Variants in TREM2 observed in about 807,000 individuals in gnomAD.
The protein encoded by TREM2 is triggering receptor expressed on monocytes 2.
TREM2 carries 20 observed loss-of-function variants against 22.9 expected under a neutral mutation model. That is an observed-to-expected ratio of 0.87 (90% CI 0.61 to 1.27). The LOEUF (loss-of-function observed/expected upper bound fraction) is 1.27. Among genes scored for constraint, TREM2 ranks in the 50% most tolerant of loss-of-function variants. The pLI, the probability that TREM2 is intolerant of heterozygous loss-of-function variation, is 0.00. For missense variants in TREM2, 267 were observed against 289.0 expected (o/e 0.92, Z 0.55); for synonymous variants, 111 against 120.9 (o/e 0.92, Z 0.54).
At chr6:41,162,616 C>T (rs978110351) in intron 1 of TREM2, among the ~76,000 whole-genome samples, 10 of 152,118 alleles carry the variant, frequency 6.6e-5, no homozygotes, top group African/African-American at 2.4e-4. Flanking sequence ...GGAGAGAGTG[C>T]CCCAAAGATG....
intron 2 of TREM2, 116 bp from the exon 3 acceptor site, chr6:41,159,998 G>A (rs1765519936): frequency 2.6e-5 from 20 of 774,234 alleles, no homozygotes; most frequent in Non-Finnish European, 4.4e-5. Flanking sequence ...GTCCTATGTG[G>A]ATCAGGTCAT....
At chr6:41,162,498 A>G (rs2113881552) in intron 1 of TREM2, among the ~76,000 whole-genome samples, 2 of 152,224 alleles carry the variant, frequency 1.3e-5, no homozygotes, top group South Asian at 4.2e-4. Context: ...GGAAGAAGCA[A>G]TTGTGTACAA....
chr6:41,160,521 G>A (rs575878788), intron 2 of TREM2, among the ~76,000 whole-genome samples: 3 of 152,126 alleles, frequency 2.0e-5, no homozygotes, highest in South Asian at 2.1e-4. Flanking sequence ...GACTCAAGCA[G>A]AAGGCCTTCC....
At chr6:41,159,923 T>A in intron 2 of TREM2, 41 bp from the exon 3 acceptor site, 1 of 1,559,086 alleles carries the variant, frequency 6.4e-7, no homozygotes, top group Non-Finnish European at 8.8e-7. Flanking sequence ...CCCTTCCTCC[T>A]CGAGGCAGGG....
intron 1 of TREM2, among the ~76,000 whole-genome samples, 188 bp from the exon 2 acceptor site, chr6:41,161,801 GTT>G (rs758058447): frequency 5.3e-5 from 8 of 152,238 alleles, no homozygotes; most frequent in Non-Finnish European, 1.2e-4. Context: ...CCTGGGTTTG[GTT>G]TTCTCACTGT....
In TREM2 at chr6:41,158,903, C is replaced by A. The variant is rs373137055; in HGVS notation, c.646G>T (p.Asp216Tyr). 1.5e-5 allele frequency: 24 copies of A among 1,614,106 alleles called. 1 individual carries two copies. The African/African-American group carries it at 3.1e-4, about 21-fold the overall frequency. Residue 216 changes from aspartate (D) to tyrosine (Y), a missense_variant, in exon 4 of 5, where the codon GAC (aspartate) becomes TAC (tyrosine). Transcript: ENST00000373113. The stretch of plus-strand genomic sequence containing the variant: ...AGAGTTTGGAGCTGATACCCTGGGT[C>A]ATGGCCACAGTCCAGTTCACTGGGT... Reference protein sequence around the residue: ...HPPSELDCGHDPGYQLQTLPG... With the variant: ...HPPSELDCGHYPGYQLQTLPG...
chr6:41,159,683 G>C (rs749171917), intron 3 of TREM2, 109 bp downstream of exon 3: 7 of 933,686 alleles, frequency 7.5e-6, no homozygotes, highest in African/African-American at 1.6e-5. Context: ...GGCCCTTCAG[G>C]CTCTAGTTGC....
In TREM2 at chr6:41,163,059, G is replaced by A. The variant is rs779528069; in HGVS notation, c.24C>T (p.Ile8=). Residue 8 remains isoleucine, a synonymous_variant, in exon 1 of 5, where the codon ATC becomes ATT. Coordinates refer to ENST00000373113, the MANE Select transcript of TREM2 (RefSeq NM_018965.4). MEPLRLL[I]LLFVTELSGA... is the part of the protein sequence containing the mutation. ...GGATCCTACCTGTGACAAAGAGTAA[G>A]ATGAGCAGCCGGAGAGGCTCCATGC... 1 of 1,614,212 alleles carries A rather than the reference G, an allele frequency of 6.2e-7. No individual in the cohort carries two copies. Among genetic ancestry groups the A allele is most frequent in the African/African-American group, 1.3e-5 (1 of 75,050 alleles).
intron 2 of TREM2, among the ~76,000 whole-genome samples, chr6:41,160,151 C>A (rs956256778): frequency 1.3e-5 from 2 of 152,312 alleles, no homozygotes; most frequent in African/African-American, 2.4e-5. Flanking sequence ...GCAATGCCCC[C>A]CTCCTTCCGC....
At chr6:41,162,989 C>T in intron 1 of TREM2, 54 bp downstream of exon 1, 1 of 1,613,844 alleles carries the variant, frequency 6.2e-7, no homozygotes. Context: ...GCGCCCCAAC[C>T]ACATGCTCAA....
chr6:41,159,210 C>A (rs1765496702), intron 3 of TREM2, 144 bp from the exon 4 acceptor site: 2 of 960,764 alleles, frequency 2.1e-6, no homozygotes, highest in African/African-American at 1.6e-5. Context: ...CTTTTTGGAG[C>A]TTTGGGAGCC....
At chr6:41,159,322 A>G (rs927703071) in intron 3 of TREM2, among the ~76,000 whole-genome samples, 1 of 152,168 alleles carries the variant, frequency 6.6e-6, no homozygotes, top group African/African-American at 2.4e-5. Context: ...TTCTGTATAC[A>G]GTGCTATGCC....
intron 1 of TREM2, among the ~76,000 whole-genome samples, chr6:41,162,079 C>T (rs1449478929): frequency 1.3e-5 from 2 of 152,210 alleles, no homozygotes; most frequent in East Asian, 3.9e-4. Context: ...TCAGGAAGGA[C>T]CCGTCTCGGA....
In TREM2 at chr6:41,158,618, T is replaced by G; in HGVS notation, c.*146A>C. The G allele has an allele frequency of 1.3e-6, 2 of 1,576,918 alleles. No individual in the cohort carries two copies. Among genetic ancestry groups the G allele is most frequent in the South Asian group, 2.3e-5 (2 of 86,920 alleles). ...CCCCACTCCCTCAACCAGTCCCTGC[T>G]TCCAGGGTCCAGGAGAAGCAGTGTT... On this transcript the variant is annotated 3_prime_UTR_variant, in exon 5 of 5. Transcript: ENST00000373113.
At position 41,158,591 on chromosome 6, in the gene TREM2, C is replaced by T; in HGVS notation, c.*173G>A. On this transcript the variant is annotated 3_prime_UTR_variant, in exon 5 of 5. Coordinates refer to ENST00000373113, the MANE Select transcript of TREM2 (RefSeq NM_018965.4). ...AGAAGTTGTCAGGTGTTCTTACCACCTCCCCACTCCCTCAACCAGTCCCTG... is the reference window on the plus strand; with the variant it reads ...AGAAGTTGTCAGGTGTTCTTACCACTTCCCCACTCCCTCAACCAGTCCCTG... 1 of 1,556,222 alleles carries T rather than the reference C, an allele frequency of 6.4e-7. No homozygotes were observed. The highest frequency in any genetic ancestry group is 1.2e-5 in the South Asian group (1 of 85,124).
At chr6:41,161,643 G>T in intron 1 of TREM2, 30 bp from the exon 2 acceptor site, 6 of 1,576,878 alleles carry the variant, frequency 3.8e-6, no homozygotes, top group Non-Finnish European at 5.2e-6. Context: ...TCACTCCTTT[G>T]TTTACCAAAT....
chr6:41,158,720 C>A lies in TREM2; in HGVS notation c.*44G>T. ...TGGCAAGTATGCAGGCTGGGCTGGT[C>A]CCTGGTGGGACTTCTCCTGGGCTTT... On this transcript the variant is annotated 3_prime_UTR_variant, in exon 5 of 5. Transcript: ENST00000373113. The A allele has an allele frequency of 1.2e-6, 2 of 1,614,184 alleles. No homozygotes were observed. The highest frequency in any genetic ancestry group is 1.7e-6 in the Non-Finnish European group (2 of 1,180,034).
rs1765492293 is a variant in TREM2 at position 41,159,077 on chromosome 6, C to T, written c.483-11G>A. The T allele has an allele frequency of 1.2e-6, 2 of 1,609,070 alleles. No homozygotes were observed. The highest frequency in any genetic ancestry group is 2.7e-5 in the African/African-American group (2 of 74,868). ...CCTTCCAAGAGGCTCCTTGGAGAGA[C>T]AAGAAGGCAGATGGGAGCCTTGAGA... On this transcript the variant is annotated splice_polypyrimidine_tract_variant and intron_variant, in intron 3 of 4. Coordinates refer to ENST00000373113, the MANE Select transcript of TREM2 (RefSeq NM_018965.4).
At chr6:41,160,662 C>T (rs1348658930) in intron 2 of TREM2, among the ~76,000 whole-genome samples, 1 of 152,136 alleles carries the variant, frequency 6.6e-6, no homozygotes, top group African/African-American at 2.4e-5. Context: ...ACCCTGCCCC[C>T]AACGCCCCCC....
Sources: allele counts gnomAD v4.1 joint callset (sites outside exome capture counted in the v4.1 genomes callset), GRCh38; gene constraint gnomAD v4.1.1; transcripts MANE v1.5; gene names NCBI Gene and HGNC (gene_info 2026-07-23, HGNC 2026-07-21).